Variants in SCD5 observed in about 807,000 individuals in gnomAD.
SCD5 encodes stearoyl-CoA desaturase 5.
A neutral mutation model predicts 30.4 loss-of-function variants in SCD5; 20 were observed. That is an observed-to-expected ratio of 0.66 (90% CI 0.46 to 0.96). SCD5 has a LOEUF of 0.96. Ranked by LOEUF, SCD5 falls within the 40% of genes least tolerant of loss-of-function variation. The pLI is 0.00. For missense variants in SCD5, 381 were observed against 443.3 expected (o/e 0.86, Z 1.26); for synonymous variants, 173 against 176.4 (o/e 0.98, Z 0.16).
intron 1 of SCD5, among the ~76,000 whole-genome samples, chr4:82,739,757 T>C (rs1482087034): frequency 6.6e-6 from 1 of 152,248 alleles, no homozygotes; most frequent in African/African-American, 2.4e-5. Flanking sequence ...TGCTTAGCCA[T>C]GCTGATCGTG....
Position 82,660,657 on chromosome 4 carries a change from T to A in SCD5, c.569+20050A>T, listed in dbSNP as rs1197525423. The A allele has an allele frequency of 2.1e-6, 3 of 1,397,074 alleles. No individual in the cohort carries two copies. In the Admixed American group the frequency reaches 9.1e-5, roughly 42 times the overall value. 86.5% of individuals were successfully genotyped at this position (1,397,074 alleles called of 1,614,324 possible). On this transcript the variant is annotated intron_variant, in intron 3 of 4. Transcript: ENST00000319540. Reference sequence around the variant, plus strand: ...TGGAAATAGAATCTCAGAGACAGAATGACAAAACTGAAATCTTTTTGATTT... The same window carrying A: ...TGGAAATAGAATCTCAGAGACAGAAAGACAAAACTGAAATCTTTTTGATTT...
At position 82,695,827 on chromosome 4, in the gene SCD5, T is replaced by G. The variant is rs530742484; in HGVS notation, c.363+9456A>C. On this transcript the variant is annotated intron_variant, in intron 2 of 4. Coordinates refer to ENST00000319540, the MANE Select transcript of SCD5 (RefSeq NM_001037582.3). ...TTTGCCTAGACAAATCCTCTTCATG[T>G]GCAGCTCAAATCTCCCCTTCTGCAG... Among the ~76,000 whole-genome samples the G allele has an allele frequency of 5.3e-5, 8 of 152,342 alleles. 1 individual carries two copies. Among genetic ancestry groups the G allele is most frequent in the Admixed American group, 4.6e-4 (7 of 15,310 alleles).
chr4:82,745,395 G>T (rs115417864), intron 1 of SCD5, among the ~76,000 whole-genome samples: 1 of 152,178 alleles, frequency 6.6e-6, no homozygotes, highest in Non-Finnish European at 1.5e-5. Context: ...GACTTGCTGG[G>T]TGAGCACGGC....
At chr4:82,746,300 A>G (rs900606245) in intron 1 of SCD5, among the ~76,000 whole-genome samples, 3 of 152,262 alleles carry the variant, frequency 2.0e-5, no homozygotes, top group Non-Finnish European at 2.9e-5. Context: ...CCAGATGACC[A>G]GGCTAGAGCT....
At chr4:82,763,063 G>A (rs556487598) in intron 1 of SCD5, among the ~76,000 whole-genome samples, 1 of 152,332 alleles carries the variant, frequency 6.6e-6, no homozygotes, top group South Asian at 2.1e-4. Context: ...CACCACGGGA[G>A]CCCCAAGGCA....
At chr4:82,778,570 C>T (rs1402732130) in intron 1 of SCD5, among the ~76,000 whole-genome samples, 1 of 152,220 alleles carries the variant, frequency 6.6e-6, no homozygotes, top group African/African-American at 2.4e-5. Flanking sequence ...GCCAGACCAT[C>T]CCCAGGGAGG....
chr4:82,793,589 T>C (rs1722144584), intron 1 of SCD5, among the ~76,000 whole-genome samples: 2 of 152,182 alleles, frequency 1.3e-5, no homozygotes, highest in African/African-American at 2.4e-5. Context: ...CGGAAGACTT[T>C]TTTTTCTTCT....
chr4:82,684,429 A>C (rs1728651194), intron 2 of SCD5, among the ~76,000 whole-genome samples: 1 of 152,204 alleles, frequency 6.6e-6, no homozygotes, highest in Non-Finnish European at 1.5e-5. Flanking sequence ...TCAACAATAG[A>C]GCAGAAAGGG....
rs151046123 is a variant in SCD5 at position 82,747,069 on chromosome 4, G to GCCC, written c.233-41659_233-41657dup. On this transcript the variant is annotated intron_variant, in intron 1 of 4. Transcript: ENST00000319540. ...AGTTAGAGAAAAGTCTGGGCAACCT[G>GCCC]CCCCCCAAGAAAGACGACCTTCCCA... Among the ~76,000 whole-genome samples the GCCC allele has an allele frequency of 2.3e-3, 318 of 139,808 alleles. 12 individuals carry two copies. Among genetic ancestry groups the GCCC allele is most frequent in the Admixed American group, 0.017 (244 of 14,004 alleles). The allele number at this position is 139,808 out of a possible 152,430, so 91.7% of individuals were successfully genotyped here. A position where few individuals can be genotyped will look rare whatever the true frequency, so the allele number is the denominator to read the frequency against.
chr4:82,741,863 GA>G (rs1720880879), intron 1 of SCD5, among the ~76,000 whole-genome samples: 1 of 127,780 alleles, frequency 7.8e-6, no homozygotes, highest in African/African-American at 2.9e-5. Context: ...CGGGGGGGGG[GA>G]GTGGGCAGAT....
At chr4:82,773,161 C>T (rs77434713) in intron 1 of SCD5, among the ~76,000 whole-genome samples, 7,528 of 152,262 alleles carry the variant, frequency 0.049, 258 homozygotes, top group Middle Eastern at 0.095. Flanking sequence ...CTGGTCACTC[C>T]CTCCTCCCGC....
At position 82,798,351 on chromosome 4, in the gene SCD5, A is replaced by C. The variant is rs758212223; in HGVS notation, c.187T>G (p.Ser63Ala). The C allele has an allele frequency of 1.2e-6, 2 of 1,613,136 alleles. No individual in the cohort carries two copies. The highest frequency in any genetic ancestry group is 2.2e-5 in the South Asian group (2 of 91,014). The change falls in exon 1 of 5, where the codon TCC becomes GCC. Residue 63 changes from serine to alanine, a missense_variant. Coordinates refer to ENST00000319540, the MANE Select transcript of SCD5 (RefSeq NM_001037582.3). ...MSLLHLGAVY[S>A]LVLIPKAKPL... is the part of the protein sequence containing the mutation. ...TTGGCTTTGGGGATGAGCACCAGGGAGTACACGGCCCCCAAGTGGAGCAAG... is the reference window on the plus strand; with the variant it reads ...TTGGCTTTGGGGATGAGCACCAGGGCGTACACGGCCCCCAAGTGGAGCAAG...
chr4:82,636,844 T>C (rs750245953), intron 3 of SCD5, 21 bp from the exon 4 acceptor site: 13 of 1,582,502 alleles, frequency 8.2e-6, no homozygotes, highest in Non-Finnish European at 1.1e-5. Context: ...AGACACCATA[T>C]CACCATGAGG....
chr4:82,641,155 G>A (rs985732255), intron 3 of SCD5, among the ~76,000 whole-genome samples: 1 of 148,224 alleles, frequency 6.7e-6, no homozygotes, highest in South Asian at 2.2e-4. Context: ...CAGGGAGGCT[G>A]AGGCAGGAGA....
At chr4:82,639,466 G>C (rs991953183) in intron 3 of SCD5, among the ~76,000 whole-genome samples, 1 of 152,266 alleles carries the variant, frequency 6.6e-6, no homozygotes, top group Non-Finnish European at 1.5e-5. Context: ...ATATGAAATT[G>C]AAAGGTATTA....
chr4:82,640,143 A>T (rs1018911077), intron 3 of SCD5, among the ~76,000 whole-genome samples: 1 of 151,970 alleles, frequency 6.6e-6, no homozygotes, highest in Non-Finnish European at 1.5e-5. Flanking sequence ...CTCTGGTCTG[A>T]CCACAGCCTG....
At chr4:82,712,509 G>A (rs867525329) in intron 1 of SCD5, among the ~76,000 whole-genome samples, 3 of 150,524 alleles carry the variant, frequency 2.0e-5, no homozygotes, top group African/African-American at 7.4e-5. Flanking sequence ...GTAGAGACTG[G>A]GTTTCACCAT....
chr4:82,705,515 CA>C (rs888781679), intron 1 of SCD5, 102 bp from the exon 2 acceptor site: 50 of 1,470,882 alleles, frequency 3.4e-5, no homozygotes, highest in Non-Finnish European at 4.5e-5. Flanking sequence ...GAAATGGTGT[CA>C]GGGGGGAAAG....
intron 1 of SCD5, among the ~76,000 whole-genome samples, chr4:82,712,463 G>A (rs1368228621): frequency 6.7e-5 from 10 of 149,532 alleles, no homozygotes; most frequent in East Asian, 2.0e-4. Flanking sequence ...GATTACAGGC[G>A]TGTGCCATCA....
Sources: allele counts gnomAD v4.1 joint callset (sites outside exome capture counted in the v4.1 genomes callset), GRCh38; gene constraint gnomAD v4.1.1; transcripts MANE v1.5; gene names NCBI Gene and HGNC (gene_info 2026-07-23, HGNC 2026-07-21).